Variants in ELP4 observed in about 807,000 individuals in gnomAD.
ELP4 encodes the protein elongator complex protein 4.
In ELP4, 51 loss-of-function variants were observed where a neutral mutation model predicts 48.9. That is an observed-to-expected ratio of 1.04 (90% CI 0.83 to 1.32). The LOEUF (loss-of-function observed/expected upper bound fraction) is 1.32. ELP4 is among the 40% of genes most tolerant of loss of function. The pLI is 0.00. For synonymous variants in ELP4, 210 were observed against 189.2 expected (o/e 1.11, Z -0.90); for missense variants, 519 against 514.6 (o/e 1.01, Z -0.08).
At chr11:31,662,739 G>T in intron 9 of ELP4, 1 of 392,482 alleles carries the variant, frequency 2.5e-6, no homozygotes, top group Non-Finnish European at 4.5e-6. Flanking sequence ...GTCATTTGCT[G>T]TGTAATTTGC....
intron 9 of ELP4, among the ~76,000 whole-genome samples, chr11:31,669,259 G>GT (rs1376895037): frequency 6.6e-6 from 1 of 151,792 alleles, no homozygotes; most frequent in Non-Finnish European, 1.5e-5. Flanking sequence ...CTAATTTTTT[G>GT]TATTTTTAGT....
chr11:31,617,743 A>C (rs1295615614), intron 5 of ELP4, among the ~76,000 whole-genome samples: 1 of 136,568 alleles, frequency 7.3e-6, no homozygotes, highest in Non-Finnish European at 1.6e-5. Flanking sequence ...AAAAAAAAAA[A>C]CACCCCAAAA....
chr11:31,769,438 T>C (rs1948096457), intron 9 of ELP4, among the ~76,000 whole-genome samples: 1 of 152,206 alleles, frequency 6.6e-6, no homozygotes, highest in Non-Finnish European at 1.5e-5. Flanking sequence ...AATTTGAAAG[T>C]TATTAATATT....
At chr11:31,547,454 A>C (rs145044589) in intron 3 of ELP4, among the ~76,000 whole-genome samples, 4,027 of 152,290 alleles carry the variant, frequency 0.026, 166 homozygotes, top group African/African-American at 0.091. Flanking sequence ...TGAATCTCTG[A>C]ATAGACCAAC....
chr11:31,513,313 T>C (rs1035160975), intron 1 of ELP4, among the ~76,000 whole-genome samples: 4 of 152,190 alleles, frequency 2.6e-5, no homozygotes, highest in African/African-American at 9.6e-5. Flanking sequence ...AGCTAATAAT[T>C]GTGTCATAAT....
intron 3 of ELP4, among the ~76,000 whole-genome samples, chr11:31,580,297 T>A (rs896486407): frequency 6.6e-6 from 1 of 152,194 alleles, no homozygotes; most frequent in Non-Finnish European, 1.5e-5. Context: ...TAGAATAAAT[T>A]TAGTATACTC....
intron 9 of ELP4, among the ~76,000 whole-genome samples, chr11:31,773,090 G>C (rs1374577695): frequency 6.6e-6 from 1 of 152,216 alleles, no homozygotes; most frequent in Admixed American, 6.5e-5. Flanking sequence ...ATTATTGATA[G>C]ATCAGTTTTG....
chr11:31,529,036 A>ATG (rs1266211045), intron 2 of ELP4, among the ~76,000 whole-genome samples: 6 of 144,386 alleles, frequency 4.2e-5, no homozygotes, highest in East Asian at 2.0e-4. Context: ...GTGTTTGGCT[A>ATG]TGTGTATATA....
chr11:31,574,872 A>G (rs1957247078), intron 3 of ELP4, among the ~76,000 whole-genome samples: 1 of 152,184 alleles, frequency 6.6e-6, no homozygotes, highest in Non-Finnish European at 1.5e-5. Flanking sequence ...AAATCAGAGC[A>G]CCTCTTCTCC....
chr11:31,637,299 T>C (rs976368293), intron 7 of ELP4: 16 of 151,792 alleles, frequency 1.1e-4, no homozygotes, highest in Admixed American at 3.3e-4. Flanking sequence ...TTAGTTATAA[T>C]AACAGCAGCT....
At chr11:31,564,545 C>T (rs1957074073) in intron 3 of ELP4, among the ~76,000 whole-genome samples, 1 of 152,066 alleles carries the variant, frequency 6.6e-6, no homozygotes, top group South Asian at 2.1e-4. Context: ...TACCCCAGGA[C>T]AAGCCCCGGT....
At chr11:31,510,479 C>T (rs1173340175) in intron 1 of ELP4, 5 of 410,624 alleles carry the variant, frequency 1.2e-5, no homozygotes, top group Admixed American at 7.9e-5. Context: ...GTCAGACTGC[C>T]TGTTCTCTGG....
intron 9 of ELP4, among the ~76,000 whole-genome samples, chr11:31,656,762 A>G (rs936619670): frequency 6.6e-6 from 1 of 152,136 alleles, no homozygotes; most frequent in Non-Finnish European, 1.5e-5. Flanking sequence ...CTAAATATGC[A>G]AAGGGGAAAA....
rs570049779 is a variant in ELP4, at chr11:31,572,894, C to T, written c.382-21876C>T. On this transcript the variant is annotated intron_variant, in intron 3 of 9. Transcript: ENST00000640961. ...GTGGTGCACACATGTAGTCCTAGCT[C>T]CTCAGGAGCCTGAGGCAGGAGGATC... is the stretch of plus-strand genomic sequence containing the variant. Among the ~76,000 whole-genome samples the T allele has an allele frequency of 1.1e-3, 174 of 152,122 alleles. 2 individuals are homozygous for T. The highest frequency in any genetic ancestry group is 4.0e-3 in the African/African-American group (166 of 41,508).
chr11:31,699,267 A>G (rs1946472732), intron 9 of ELP4, among the ~76,000 whole-genome samples: 1 of 152,178 alleles, frequency 6.6e-6, no homozygotes, highest in Non-Finnish European at 1.5e-5. Context: ...AAATGAGACT[A>G]AAATTTGTGC....
At chr11:31,723,369 C>G (rs988305690) in intron 9 of ELP4, among the ~76,000 whole-genome samples, 3 of 151,848 alleles carry the variant, frequency 2.0e-5, no homozygotes, top group African/African-American at 7.3e-5. Context: ...CAGGTCCACA[C>G]ATACTTCATT....
At chr11:31,644,460 A>G (rs1414900532) in intron 7 of ELP4, among the ~76,000 whole-genome samples, 1 of 151,826 alleles carries the variant, frequency 6.6e-6, no homozygotes, top group Non-Finnish European at 1.5e-5. Context: ...AAACACTTGG[A>G]ATCTGTTAAA....
At chr11:31,702,647 T>C (rs6484529) in intron 9 of ELP4, among the ~76,000 whole-genome samples, 141,650 of 152,138 alleles carry the variant, frequency 0.93, 66,535 homozygotes, top group South Asian at 1. Flanking sequence ...TAGACATTAG[T>C]TAGCATTTAG....
chr11:31,646,028 G>A lies in ELP4; in HGVS notation c.928-1713G>A, dbSNP rs1371632149. On this transcript the variant is annotated intron_variant, in intron 7 of 9. Transcript: ENST00000640961. Reference sequence around the variant, plus strand: ...GCTGAAACCCAACCTGGATGAGTTTGATATAATGGTCTTTGGCTAAAGAAA... The same window carrying A: ...GCTGAAACCCAACCTGGATGAGTTTAATATAATGGTCTTTGGCTAAAGAAA... The A allele has an allele frequency of 2.6e-5, 4 of 151,736 alleles. No individual in the cohort carries two copies. The East Asian group carries it at 7.8e-4, about 30-fold the overall frequency. 9.4% of individuals were successfully genotyped at this position (151,736 alleles called of 1,614,324 possible). A position where few individuals can be genotyped will look rare whatever the true frequency, so the allele number is the denominator to read the frequency against.
Sources: gnomAD v4.1 joint callset for allele counts (sites outside exome capture counted in the v4.1 genomes callset) on GRCh38, gnomAD v4.1.1 for gene constraint, MANE v1.5 for transcripts, NCBI Gene and HGNC (gene_info 2026-07-23, HGNC 2026-07-21) for gene names.